The following IP6K1 variants were observed in gnomAD, a reference collection of about 807,000 sequenced individuals.
IP6K1 encodes ATP:1D-myo-inositol-hexakisphosphate phosphotransferase.
In IP6K1, 13 loss-of-function variants were observed where a neutral mutation model predicts 38.3. The observed-to-expected ratio is 0.34, with a 90% CI of 0.22 to 0.54. The LOEUF (loss-of-function observed/expected upper bound fraction) is 0.54, where lower values mean the gene tolerates loss of function less well. Ranked by LOEUF, IP6K1 falls within the 20% of genes least tolerant of loss-of-function variation. The pLI, the probability that IP6K1 is intolerant of heterozygous loss-of-function variation, is 0.92. For missense variants in IP6K1, 397 were observed against 599.8 expected, an observed-to-expected ratio of 0.66 and a Z score of 3.53; for synonymous variants, 212 against 229.9, an observed-to-expected ratio of 0.92 and a Z score of 0.70.
At chr3:49,728,607 GCT>G (rs1386289656) in intron 4 of IP6K1, among the ~76,000 whole-genome samples, 1 of 151,714 alleles carries the variant, frequency 6.6e-6, no homozygotes. Flanking sequence ...ACGGAGTCTC[GCT>G]CTGTTACCCA....
intron 1 of IP6K1, among the ~76,000 whole-genome samples, chr3:49,756,643 C>T (rs539391553): frequency 6.6e-6 from 1 of 151,974 alleles, no homozygotes; most frequent in African/African-American, 2.4e-5. Flanking sequence ...CATGGAGAAA[C>T]CCTGTCTCTA....
intron 1 of IP6K1, among the ~76,000 whole-genome samples, chr3:49,782,679 C>A (rs1045973175): frequency 6.6e-6 from 1 of 151,858 alleles, no homozygotes; most frequent in African/African-American, 2.4e-5. Context: ...GGCATGGTGG[C>A]GCATGTGTGT....
At chr3:49,744,884 A>C (rs1222030713) in intron 2 of IP6K1, among the ~76,000 whole-genome samples, 2 of 152,222 alleles carry the variant, frequency 1.3e-5, no homozygotes, top group Non-Finnish European at 2.9e-5. Context: ...AAAAAGTGTC[A>C]ATAATATTTC....
At chr3:49,757,686 C>G (rs1485316767) in intron 1 of IP6K1, among the ~76,000 whole-genome samples, 20 of 152,170 alleles carry the variant, frequency 1.3e-4, no homozygotes, top group Admixed American at 1.3e-3. Flanking sequence ...CGCCACTACA[C>G]TCCAGCCTGG....
At chr3:49,770,955 T>C (rs183403884) in intron 1 of IP6K1, among the ~76,000 whole-genome samples, 1 of 151,202 alleles carries the variant, frequency 6.6e-6, no homozygotes, top group African/African-American at 2.4e-5. Flanking sequence ...CTACAAAAAA[T>C]TTTTAAAAAG....
chr3:49,784,168 G>A (rs1261885545), intron 1 of IP6K1, among the ~76,000 whole-genome samples: 1 of 151,898 alleles, frequency 6.6e-6, no homozygotes, highest in Non-Finnish European at 1.5e-5. Flanking sequence ...GCTAATTTTT[G>A]TATTTTTAGT....
chr3:49,762,539 G>A (rs189293383), intron 1 of IP6K1, among the ~76,000 whole-genome samples: 1 of 151,944 alleles, frequency 6.6e-6, no homozygotes, highest in African/African-American at 2.4e-5. Flanking sequence ...AACAGAGCGA[G>A]ACTCTGTCTC....
intron 1 of IP6K1, among the ~76,000 whole-genome samples, chr3:49,755,147 G>A (rs1390662734): frequency 2.2e-5 from 3 of 138,316 alleles, no homozygotes; most frequent in Non-Finnish European, 3.0e-5. Context: ...ATGTTGCCCA[G>A]GCTGGTCTCG....
Position 49,724,883 on chromosome 3 carries a change from TAG to T in IP6K1, c.*2237_*2238del, listed in dbSNP as rs1419456580. The T allele has an allele frequency of 2.0e-5, 3 of 152,702 alleles. No homozygotes were observed. The highest frequency in any genetic ancestry group is 6.5e-5 in the Admixed American group (1 of 15,290). 9.5% of individuals were successfully genotyped at this position (152,702 alleles called of 1,614,324 possible). A position where few individuals can be genotyped will look rare whatever the true frequency, so the allele number is the denominator to read the frequency against. Reference sequence around the variant, plus strand: ...GTCAGCTTGGCCCAGGGAAGCACTATAGAGAGGGCTCACCTGAGCACCCCAAC... The same window carrying T: ...GTCAGCTTGGCCCAGGGAAGCACTATAGAGGGCTCACCTGAGCACCCCAAC... On this transcript the variant is annotated 3_prime_UTR_variant, in exon 6 of 6. Coordinates refer to ENST00000321599, the MANE Select transcript of IP6K1 (RefSeq NM_153273.4).
intron 1 of IP6K1, among the ~76,000 whole-genome samples, chr3:49,770,456 C>A (rs1465991601): frequency 1.3e-5 from 2 of 152,064 alleles, no homozygotes; most frequent in Non-Finnish European, 2.9e-5. Flanking sequence ...TAAAGTTAGG[C>A]TGGGCATGGT....
At chr3:49,771,209 A>C (rs1443331257) in intron 1 of IP6K1, among the ~76,000 whole-genome samples, 3 of 149,472 alleles carry the variant, frequency 2.0e-5, no homozygotes, top group Non-Finnish European at 4.5e-5. Flanking sequence ...AAAAAAAAAA[A>C]AAACCCTGCC....
chr3:49,731,907 G>GAAAAAAAAAAAAAAAAAAAAAA (rs1277207284), intron 4 of IP6K1, among the ~76,000 whole-genome samples: 5 of 69,076 alleles, frequency 7.2e-5, no homozygotes, highest in South Asian at 6.5e-4. Flanking sequence ...AAAAAAAAAG[G>GAAAAAAAAAAAAAAAAAAAAAA]AATTCCTATG....
chr3:49,727,099 G>A lies in IP6K1; in HGVS notation c.*23C>T. ...CCCTGCCTGCAGTGGAGAGGAAGGG[G>A]TTCTGGGGGCCCAGAACAGGGCCTA... On this transcript the variant is annotated 3_prime_UTR_variant, in exon 6 of 6. Transcript: ENST00000321599. The surrounding 1 kb of genome is among the most constrained non-coding windows in gnomAD (Gnocchi z 5.9). 6.4e-7 allele frequency: 1 copy of A among 1,564,686 alleles called. No homozygotes were observed. The highest frequency in any genetic ancestry group is 1.2e-5 in the South Asian group (1 of 83,584).
chr3:49,758,314 C>CAAAA (rs11359274), intron 1 of IP6K1, among the ~76,000 whole-genome samples: 2 of 54,388 alleles, frequency 3.7e-5, no homozygotes, highest in Non-Finnish European at 3.3e-5. Context: ...GACTCCATCT[C>CAAAA]AAAAAAAAAA....
chr3:49,770,302 G>A (rs576872848), intron 1 of IP6K1, among the ~76,000 whole-genome samples: 11 of 152,330 alleles, frequency 7.2e-5, no homozygotes, highest in African/African-American at 2.4e-4. Flanking sequence ...AATGTTGCTA[G>A]TAATGGAACA....
intron 3 of IP6K1, among the ~76,000 whole-genome samples, chr3:49,733,558 G>C (rs1461694743): frequency 6.6e-6 from 1 of 152,040 alleles, no homozygotes; most frequent in South Asian, 2.1e-4. Flanking sequence ...TACATACAAT[G>C]GAATATTATT....
At chr3:49,772,893 T>G (rs2080972146) in intron 1 of IP6K1, among the ~76,000 whole-genome samples, 1 of 150,784 alleles carries the variant, frequency 6.6e-6, no homozygotes, top group Non-Finnish European at 1.5e-5. Context: ...GTATGATCAC[T>G]GCTCACTGCA....
chr3:49,750,741 TGA>T (rs1390716640), intron 1 of IP6K1, among the ~76,000 whole-genome samples: 2 of 152,046 alleles, frequency 1.3e-5, no homozygotes, highest in African/African-American at 2.4e-5. Flanking sequence ...CCCCTGACTC[TGA>T]GAGATCTGTG....
intron 1 of IP6K1, among the ~76,000 whole-genome samples, chr3:49,753,567 C>T (rs960317815): frequency 2.6e-5 from 4 of 151,950 alleles, no homozygotes; most frequent in African/African-American, 7.3e-5. Context: ...CTGAGTAGTA[C>T]CTGGCATATA....
Sources: gnomAD v4.1 joint callset for allele counts (sites outside exome capture counted in the v4.1 genomes callset) on GRCh38, gnomAD v4.1.1 for gene constraint, Gnocchi (gnomAD v3.1) non-coding constraint, MANE v1.5 for transcripts, NCBI Gene and HGNC (gene_info 2026-07-23, HGNC 2026-07-21) for gene names.